Variants in DLG2 observed in about 807,000 individuals in gnomAD.
DLG2 encodes disks large homolog 2.
DLG2 carries 45 observed loss-of-function variants against 132.5 expected under a neutral mutation model. The observed-to-expected ratio is 0.34, with a 90% CI of 0.27 to 0.44. DLG2 has a LOEUF of 0.44. Among genes scored for constraint, DLG2 ranks in the 20% least tolerant of loss-of-function variants. The probability of loss-of-function intolerance (pLI) is 1.00; values close to 1 mark genes in which losing one functional copy is unlikely to be tolerated. For synonymous variants in DLG2, 424 were observed against 419.6 expected, an observed-to-expected ratio of 1.01 and a Z score of -0.13; for missense variants, 1,045 against 1,196.9, an observed-to-expected ratio of 0.87 and a Z score of 1.87.
At position 83,455,861 on chromosome 11, in the gene DLG2, G is replaced by A. The variant is rs895214383; in HGVS notation, c.*3957C>T. ...GGAATTGATCTTTTTCCCTCTAGGA[G>A]TAACAAATTAATGTGATCAACTTAG... is the stretch of plus-strand genomic sequence containing the variant. On this transcript the variant is annotated 3_prime_UTR_variant, in exon 28 of 28. Coordinates refer to ENST00000376104, the MANE Select transcript of DLG2 (RefSeq NM_001142699.3). 6.6e-6 allele frequency: 1 copy of A among 152,428 alleles called. No homozygotes were observed. The highest frequency in any genetic ancestry group is 1.5e-5 in the Non-Finnish European group (1 of 68,034). The allele number at this position is 152,428 out of a possible 1,614,324, so 9.4% of individuals were successfully genotyped here.
intron 4 of DLG2, among the ~76,000 whole-genome samples, chr11:85,182,596 A>T (rs945489415): frequency 6.6e-6 from 1 of 151,572 alleles, no homozygotes; most frequent in Admixed American, 6.6e-5. Flanking sequence ...GGGAGAAAAG[A>T]AAGAGAAAGA....
chr11:83,548,379 A>G (rs1327249850), intron 19 of DLG2, among the ~76,000 whole-genome samples: 1 of 152,184 alleles, frequency 6.6e-6, no homozygotes, highest in Non-Finnish European at 1.5e-5. Context: ...GAGATGGAAC[A>G]TGAAAAGGAC....
intron 11 of DLG2, among the ~76,000 whole-genome samples, chr11:84,050,155 T>C (rs1594079999): frequency 8.0e-5 from 1 of 12,458 alleles, no homozygotes; most frequent in African/African-American, 1.1e-4. Context: ...ACTGGAGACT[T>C]TTTTTTTTTT....
At chr11:85,259,262 G>A (rs2076820489) in intron 4 of DLG2, among the ~76,000 whole-genome samples, 2 of 151,886 alleles carry the variant, frequency 1.3e-5, no homozygotes, top group Non-Finnish European at 1.5e-5. Flanking sequence ...CACCCCCTTC[G>A]CTCTCTCCTC....
Position 83,753,145 on chromosome 11 carries a change from G to A in DLG2, c.1825+33545C>T, listed in dbSNP as rs148946989. On this transcript the variant is annotated intron_variant, in intron 18 of 27. Coordinates refer to ENST00000376104, the MANE Select transcript of DLG2 (RefSeq NM_001142699.3). ...GGAATAAAACTCAGATCTCATGGCC[G>A]GGCGTGGTGGCTCACACCTGTGATC... Among the ~76,000 whole-genome samples, 255 of 152,278 alleles carry A rather than the reference G, an allele frequency of 1.7e-3. 1 individual carries two copies. The highest frequency in any genetic ancestry group is 6.0e-3 in the African/African-American group (249 of 41,558).
At chr11:84,197,107 C>G (rs1020986820) in intron 8 of DLG2, among the ~76,000 whole-genome samples, 6 of 149,282 alleles carry the variant, frequency 4.0e-5, no homozygotes, top group South Asian at 2.1e-4. Flanking sequence ...AATGATCATT[C>G]CAATATCTTT....
chr11:84,746,780 C>G (rs77397749), intron 6 of DLG2, among the ~76,000 whole-genome samples: 1 of 152,142 alleles, frequency 6.6e-6, no homozygotes, highest in African/African-American at 2.4e-5. Context: ...GGTCATTATT[C>G]TAAAGAGTTC....
chr11:84,533,327 A>G (rs535773831), intron 7 of DLG2, among the ~76,000 whole-genome samples: 4 of 152,300 alleles, frequency 2.6e-5, no homozygotes, highest in South Asian at 2.1e-4. Context: ...ATGTCCCCCA[A>G]TTCTTAATCT....
chr11:85,625,738 T>A (rs1451953135), intron 2 of DLG2, among the ~76,000 whole-genome samples: 1 of 152,222 alleles, frequency 6.6e-6, no homozygotes, highest in East Asian at 1.9e-4. Flanking sequence ...AGTTCAAGGC[T>A]GTTCATATAA....
At chr11:84,963,797 C>A (rs896673835) in intron 6 of DLG2, among the ~76,000 whole-genome samples, 2 of 152,138 alleles carry the variant, frequency 1.3e-5, no homozygotes, top group Non-Finnish European at 2.9e-5. Context: ...GAGTTGCTTA[C>A]TCTGCAGGTA....
rs541093614 is a variant in DLG2, at chr11:85,376,461, T to A, written c.41-91096A>T. Among the ~76,000 whole-genome samples, 49 of 152,144 alleles carry A rather than the reference T, an allele frequency of 3.2e-4. 1 individual carries two copies. Among genetic ancestry groups the A allele is most frequent in the Admixed American group, 3.2e-3 (49 of 15,290 alleles). On this transcript the variant is annotated intron_variant, in intron 3 of 27. Coordinates refer to ENST00000376104, the MANE Select transcript of DLG2 (RefSeq NM_001142699.3). Reference sequence around the variant, plus strand: ...TAAATGTCAAGAGGCCTGAACCAAGTTTTTTTATTCCTTTATTTAGTGCTC... The same window carrying A: ...TAAATGTCAAGAGGCCTGAACCAAGATTTTTTATTCCTTTATTTAGTGCTC...
chr11:84,835,408 T>C (rs1208675486), intron 6 of DLG2, among the ~76,000 whole-genome samples: 2 of 151,720 alleles, frequency 1.3e-5, no homozygotes, highest in African/African-American at 2.4e-5. Flanking sequence ...ATTTCTTATC[T>C]ACAAAATGGA....
At chr11:85,277,773 G>GA (rs904380694) in intron 4 of DLG2, among the ~76,000 whole-genome samples, 4 of 152,068 alleles carry the variant, frequency 2.6e-5, no homozygotes, top group South Asian at 2.1e-4. Context: ...GCTTTGTCAA[G>GA]AAAAAATCTA....
intron 3 of DLG2, among the ~76,000 whole-genome samples, chr11:85,401,521 T>C (rs1016037801): frequency 1.3e-5 from 2 of 152,264 alleles, no homozygotes; most frequent in East Asian, 1.9e-4. Context: ...ATAAAGGGTA[T>C]TCAATTAGGA....
At chr11:83,494,013 T>C (rs755843640) in intron 21 of DLG2, among the ~76,000 whole-genome samples, 1 of 152,194 alleles carries the variant, frequency 6.6e-6, no homozygotes, top group Admixed American at 6.5e-5. Flanking sequence ...TCAAACCCCA[T>C]GTTTCCTATG....
intron 8 of DLG2, among the ~76,000 whole-genome samples, chr11:84,197,004 T>G (rs2096528012): frequency 7.6e-6 from 1 of 132,366 alleles, no homozygotes; most frequent in Admixed American, 9.1e-5. Flanking sequence ...CCCACTGCAC[T>G]TCAGCCTGGG....
chr11:85,143,356 G>A (rs1269192919), intron 5 of DLG2, among the ~76,000 whole-genome samples: 1 of 151,608 alleles, frequency 6.6e-6, no homozygotes, highest in East Asian at 1.9e-4. Context: ...TATCTCTAAT[G>A]ATCCTTTGAA....
chr11:84,642,388 T>C (rs1231869173), intron 6 of DLG2, among the ~76,000 whole-genome samples: 1 of 152,014 alleles, frequency 6.6e-6, no homozygotes, highest in Non-Finnish European at 1.5e-5. Flanking sequence ...GTATGGAGTA[T>C]AAATCAAATC....
chr11:84,674,296 T>G (rs777127120), intron 6 of DLG2, among the ~76,000 whole-genome samples: 30 of 152,122 alleles, frequency 2.0e-4, no homozygotes, highest in Non-Finnish European at 3.5e-4. Flanking sequence ...TGATTAAAAA[T>G]CTCAAATCCA....
Sources: gnomAD v4.1 joint callset for allele counts (sites outside exome capture counted in the v4.1 genomes callset) on GRCh38, gnomAD v4.1.1 for gene constraint, MANE v1.5 for transcripts, NCBI Gene and HGNC (gene_info 2026-07-23, HGNC 2026-07-21) for gene names.